SCTR: variants seen among roughly 807,000 people sequenced by gnomAD.
SCTR encodes the protein pancreatic secretin receptor.
Under a neutral mutation model 60.8 loss-of-function variants are expected in SCTR, and 56 were observed. The ratio of observed to expected loss-of-function variants is 0.92; its 90% CI spans 0.74 to 1.15. SCTR has a LOEUF of 1.15. SCTR is among the 50% of genes most tolerant of loss of function. The probability of loss-of-function intolerance (pLI) is 0.00; values close to 1 mark genes in which losing one functional copy is unlikely to be tolerated. For synonymous variants in SCTR, 202 were observed against 217.0 expected, an observed-to-expected ratio of 0.93 and a Z score of 0.61; for missense variants, 562 against 550.4, an observed-to-expected ratio of 1.02 and a Z score of -0.21.
At position 119,496,186 on chromosome 2, in the gene SCTR, G is replaced by A. The variant is rs147662604; in HGVS notation, c.73-1638C>T. 8.8e-4 allele frequency among the ~76,000 whole-genome samples: 134 copies of A among 152,366 alleles called. No homozygotes were observed. In the East Asian group the frequency reaches 0.013, roughly 14 times the overall value. ...GAAAAATCCACCTAGAGATTGGCAG[G>A]CACTGCCTGTTAGTTCACTGGTCAG... On this transcript the variant is annotated intron_variant, in intron 1 of 12. Coordinates refer to ENST00000019103, the MANE Select transcript of SCTR (RefSeq NM_002980.3).
At chr2:119,484,387 C>T (rs762923660) in intron 2 of SCTR, among the ~76,000 whole-genome samples, 32 of 152,266 alleles carry the variant, frequency 2.1e-4, no homozygotes, top group African/African-American at 7.5e-4. Context: ...CAAGAGAAGA[C>T]AATGCCACCA....
intron 2 of SCTR, among the ~76,000 whole-genome samples, chr2:119,489,232 G>A (rs763398281): frequency 3.9e-5 from 6 of 152,146 alleles, no homozygotes; most frequent in Admixed American, 2.0e-4. Flanking sequence ...CACGTTGCTC[G>A]CCTCAGCTAA....
chr2:119,487,959 G>A (rs10172294), intron 2 of SCTR, among the ~76,000 whole-genome samples: 18,517 of 152,074 alleles, frequency 0.12, 1,339 homozygotes, highest in South Asian at 0.25. Context: ...GAGGCCCCCT[G>A]GACACCAGAT....
At chr2:119,482,600 G>C (rs754844493) in intron 2 of SCTR, among the ~76,000 whole-genome samples, 3 of 152,210 alleles carry the variant, frequency 2.0e-5, no homozygotes, top group African/African-American at 7.2e-5. Context: ...AGGAGGAGCC[G>C]GAGCTTCTCT....
At chr2:119,505,494 G>T in intron 1 of SCTR, among the ~76,000 whole-genome samples, 1 of 150,876 alleles carries the variant, frequency 6.6e-6, no homozygotes, top group South Asian at 2.1e-4. Flanking sequence ...AAAAAAATGT[G>T]GCACATATAC....
intron 1 of SCTR, among the ~76,000 whole-genome samples, chr2:119,504,848 T>C (rs891468079): frequency 2.6e-5 from 4 of 152,106 alleles, no homozygotes; most frequent in Non-Finnish European, 4.4e-5. Context: ...ATCTAAAATA[T>C]ACAAAGAATG....
At chr2:119,508,734 T>C (rs1031265006) in intron 1 of SCTR, among the ~76,000 whole-genome samples, 1 of 152,224 alleles carries the variant, frequency 6.6e-6, no homozygotes, top group African/African-American at 2.4e-5. Flanking sequence ...ATAGATTTAT[T>C]ATGCACATGT....
chr2:119,475,621 G>A (rs1026262817), intron 3 of SCTR, among the ~76,000 whole-genome samples: 21 of 129,124 alleles, frequency 1.6e-4, no homozygotes, highest in Non-Finnish European at 2.4e-4. Context: ...TATATATATA[G>A]ATGTAGATAT....
rs1682604929 is a variant in SCTR at position 119,440,222 on chromosome 2, C to T, written c.1218G>A (p.Trp406Ter). Residue 406 changes from tryptophan (W) to a stop codon, truncating the protein, a stop_gained, in exon 13 of 13, where the codon TGG becomes TGA. Transcript: ENST00000019103. LOFTEE classifies it high-confidence loss of function. ...QLEVQKKWQQ[W>*]HLREFPLHPV... ...GGTGCAGTGGGAACTCACGGAGGTG[C>T]CATTGCTGCCACTTCTTCTGAACCT... The T allele has an allele frequency of 1.9e-6, 3 of 1,614,014 alleles. No individual in the cohort carries two copies. Among genetic ancestry groups the T allele is most frequent in the South Asian group, 1.1e-5 (1 of 91,060 alleles).
chr2:119,517,633 C>T (rs1679156310), intron 1 of SCTR, among the ~76,000 whole-genome samples: 1 of 152,100 alleles, frequency 6.6e-6, no homozygotes, highest in Non-Finnish European at 1.5e-5. Context: ...AGCTGGCCAC[C>T]AGGGGGCAGA....
chr2:119,504,651 A>T (rs1167452004), intron 1 of SCTR, among the ~76,000 whole-genome samples: 1 of 152,080 alleles, frequency 6.6e-6, no homozygotes, highest in East Asian at 1.9e-4. Flanking sequence ...AAATCTTCAA[A>T]TCTAAAGCTG....
At chr2:119,520,065 C>G (rs1679243265) in intron 1 of SCTR, among the ~76,000 whole-genome samples, 1 of 152,042 alleles carries the variant, frequency 6.6e-6, no homozygotes, top group Non-Finnish European at 1.5e-5. Flanking sequence ...ATTAAAGGAG[C>G]CTTCATCATC....
intron 8 of SCTR, among the ~76,000 whole-genome samples, chr2:119,452,867 C>T (rs1683226796): frequency 6.6e-6 from 1 of 152,172 alleles, no homozygotes; most frequent in African/African-American, 2.4e-5. Flanking sequence ...CACTGCCACC[C>T]TCAATGCCTG....
intron 2 of SCTR, among the ~76,000 whole-genome samples, chr2:119,489,493 C>T (rs1380717179): frequency 3.9e-5 from 6 of 152,210 alleles, no homozygotes; most frequent in Non-Finnish European, 8.8e-5. Flanking sequence ...CTGTAGCTGC[C>T]TCAGGCTGGG....
intron 1 of SCTR, among the ~76,000 whole-genome samples, chr2:119,508,477 C>G (rs1281681581): frequency 6.8e-6 from 1 of 146,836 alleles, no homozygotes; most frequent in Non-Finnish European, 1.5e-5. Flanking sequence ...GCCTCGACCT[C>G]CCAGGCTCAA....
At chr2:119,524,071 C>T in intron 1 of SCTR, 84 bp downstream of exon 1, 1 of 1,058,244 alleles carries the variant, frequency 9.4e-7, no homozygotes. Flanking sequence ...AGTCCCTCTC[C>T]ACCTGCATCC....
In SCTR at chr2:119,440,015, G is replaced by A; in HGVS notation, c.*102C>T. 7.2e-6 allele frequency: 9 copies of A among 1,257,752 alleles called. No individual in the cohort carries two copies. Among genetic ancestry groups the A allele is most frequent in the Non-Finnish European group, 6.6e-6 (6 of 903,118 alleles). 77.9% of individuals were successfully genotyped at this position (1,257,752 alleles called of 1,614,324 possible). A position where few individuals can be genotyped will look rare whatever the true frequency, so the allele number is the denominator to read the frequency against. The stretch of plus-strand genomic sequence containing the variant: ...GGAGGGGCATCTTCAGCTGAAGGAG[G>A]ACACAGGGTGTCTGCTGGGAAGACT... On this transcript the variant is annotated 3_prime_UTR_variant, in exon 13 of 13. Coordinates refer to ENST00000019103, the MANE Select transcript of SCTR (RefSeq NM_002980.3).
At chr2:119,470,173 T>C (rs918700954) in intron 4 of SCTR, among the ~76,000 whole-genome samples, 3 of 152,230 alleles carry the variant, frequency 2.0e-5, no homozygotes, top group Non-Finnish European at 2.9e-5. Flanking sequence ...TTTACCCATG[T>C]GACATCTATG....
intron 7 of SCTR, among the ~76,000 whole-genome samples, chr2:119,454,430 G>A (rs1012469849): frequency 3.3e-5 from 5 of 152,130 alleles, no homozygotes; most frequent in South Asian, 2.1e-4. Context: ...CAGCTGAGCA[G>A]GAATGGAGTG....
Sources: allele counts gnomAD v4.1 joint callset (sites outside exome capture counted in the v4.1 genomes callset), GRCh38; gene constraint gnomAD v4.1.1; transcripts MANE v1.5; gene names NCBI Gene and HGNC (gene_info 2026-07-23, HGNC 2026-07-21).